ADGRD1: variants seen among roughly 807,000 people sequenced by gnomAD.
ADGRD1 encodes the protein G-protein coupled receptor 133.
A neutral mutation model predicts 113.4 loss-of-function variants in ADGRD1; 77 were observed. The observed-to-expected ratio is 0.68, with a 90% CI of 0.57 to 0.82. The LOEUF is 0.82. Ranked by LOEUF, ADGRD1 falls within the 40% of genes least tolerant of loss-of-function variation. The pLI, the probability that ADGRD1 is intolerant of heterozygous loss-of-function variation, is 0.00. For missense variants in ADGRD1, 1,036 were observed against 1,139.1 expected (o/e 0.91, Z 1.30); for synonymous variants, 474 against 475.0 (o/e 1.00, Z 0.03).
At chr12:130,967,015 C>T (rs1344058966) in intron 3 of ADGRD1, 1 of 455,664 alleles carries the variant, frequency 2.2e-6, no homozygotes, top group Non-Finnish European at 4.4e-6. Flanking sequence ...GCATTTTCCC[C>T]AACAATCTTG....
Position 131,003,290 on chromosome 12 carries a change from T to C in ADGRD1, c.1132T>C (p.Ser378Pro), listed in dbSNP as rs1566019418. Residue 378 changes from serine to proline, a missense_variant, in exon 10 of 25, where the codon TCT (serine) becomes CCT (proline). Transcript: ENST00000261654. This position sits in a 1 kb window ranked among gnomAD's most constrained non-coding sequence, Gnocchi z 4.8. The part of the protein sequence containing the change: ...STPQVTVEGS[S>P]AMAEFSVAKI... ...GCCCCAGGTCACCGTGGAGGGCTCC[T>C]CTGCCATGGCAGGTAGCTGTCGCTT... The C allele has an allele frequency of 1.2e-6, 2 of 1,612,308 alleles. No homozygotes were observed. The highest frequency in any genetic ancestry group is 2.2e-5 in the East Asian group (1 of 44,856).
intron 11 of ADGRD1, among the ~76,000 whole-genome samples, chr12:131,004,822 C>A (rs754494046): frequency 6.6e-6 from 1 of 152,188 alleles, no homozygotes; most frequent in Non-Finnish European, 1.5e-5. Context: ...CTCAGGGGAC[C>A]CCCTGCCTCT....
At chr12:131,043,530 C>T (rs774610893) in intron 13 of ADGRD1, among the ~76,000 whole-genome samples, 10 of 152,250 alleles carry the variant, frequency 6.6e-5, no homozygotes, top group African/African-American at 2.4e-4. Context: ...GCAGGCCTCT[C>T]CCCTGCAGGC....
chr12:131,100,668 A>G (rs1399533565), intron 15 of ADGRD1, among the ~76,000 whole-genome samples: 4 of 152,194 alleles, frequency 2.6e-5, no homozygotes, highest in Non-Finnish European at 4.4e-5. Flanking sequence ...GGCTTAAGGC[A>G]TAAGTGGGTA....
chr12:131,027,864 C>T lies in ADGRD1; in HGVS notation c.1473+13524C>T, dbSNP rs1318629106. On this transcript the variant is annotated intron_variant, in intron 13 of 24. Coordinates refer to ENST00000261654, the MANE Select transcript of ADGRD1 (RefSeq NM_198827.5). The surrounding 1 kb of genome is among the most constrained non-coding windows in gnomAD (Gnocchi z 5.1). ...AGCGAACATACCCAAGAAATCACCC[C>T]TCAGGTCAAGAAGCAGCACACGGCC... The T allele has an allele frequency of 6.6e-6, 1 of 152,216 alleles. No individual in the cohort carries two copies. Among genetic ancestry groups the T allele is most frequent in the African/African-American group, 2.4e-5 (1 of 41,442 alleles). 9.4% of individuals were successfully genotyped at this position (152,216 alleles called of 1,614,324 possible).
At chr12:130,957,270 CACACACATCCATACATTTCT>C (rs1282029931) in intron 2 of ADGRD1, 1 of 152,402 alleles carries the variant, frequency 6.6e-6, no homozygotes, top group Non-Finnish European at 1.5e-5. Flanking sequence ...CACATGCATC[CACACACATCCATACATTTCT>C]ACACACATGC....
At chr12:131,058,977 G>A (rs928902803) in intron 13 of ADGRD1, among the ~76,000 whole-genome samples, 14 of 152,130 alleles carry the variant, frequency 9.2e-5, no homozygotes, top group African/African-American at 3.4e-4. Flanking sequence ...TCTTTATGGG[G>A]CTGCAGTGAC....
At chr12:131,103,751 C>T (rs528975044) in intron 15 of ADGRD1, among the ~76,000 whole-genome samples, 14 of 152,260 alleles carry the variant, frequency 9.2e-5, no homozygotes, top group Admixed American at 2.0e-4. Flanking sequence ...GCAGGCGTCT[C>T]GGAGGACGGG....
chr12:131,103,469 G>A (rs1364873774), intron 15 of ADGRD1, among the ~76,000 whole-genome samples: 4 of 152,266 alleles, frequency 2.6e-5, no homozygotes, highest in East Asian at 3.9e-4. Flanking sequence ...CCCCTCGGGC[G>A]TGAGCCCACT....
intron 15 of ADGRD1, among the ~76,000 whole-genome samples, chr12:131,099,944 G>A (rs1248965986): frequency 6.6e-6 from 1 of 152,156 alleles, no homozygotes; most frequent in Non-Finnish European, 1.5e-5. Context: ...TGATGGTGGG[G>A]TTGGTTCATG....
intron 15 of ADGRD1, among the ~76,000 whole-genome samples, chr12:131,087,613 T>C (rs1343223193): frequency 6.6e-6 from 1 of 152,172 alleles, no homozygotes; most frequent in African/African-American, 2.4e-5. Context: ...CCTTCAGTGG[T>C]AAATATTGTG....
chr12:130,981,533 T>C (rs550031076), intron 4 of ADGRD1, among the ~76,000 whole-genome samples: 41 of 143,648 alleles, frequency 2.9e-4, no homozygotes, highest in African/African-American at 1.0e-3. Context: ...TCCCGGGGAG[T>C]GGGGGCGGGG....
intron 19 of ADGRD1, among the ~76,000 whole-genome samples, chr12:131,119,308 G>A (rs570670897): frequency 2.0e-5 from 3 of 152,360 alleles, no homozygotes; most frequent in South Asian, 4.1e-4. Flanking sequence ...TTCCCTGAAG[G>A]CGAAGCATTT....
At chr12:130,991,166 C>T (rs1874333492) in intron 7 of ADGRD1, 88 bp downstream of exon 7, 2 of 1,021,904 alleles carry the variant, frequency 2.0e-6, no homozygotes, top group Admixed American at 3.6e-5. Flanking sequence ...CATTAGGTGT[C>T]TGGGCTCTCT....
chr12:131,056,103 C>G (rs983377532), intron 13 of ADGRD1, among the ~76,000 whole-genome samples: 1 of 152,154 alleles, frequency 6.6e-6, no homozygotes, highest in African/African-American at 2.4e-5. Flanking sequence ...ATCTTCTACC[C>G]TGAAGGAATA....
At chr12:131,044,963 G>A (rs1270354681) in intron 13 of ADGRD1, among the ~76,000 whole-genome samples, 3 of 152,268 alleles carry the variant, frequency 2.0e-5, no homozygotes, top group Non-Finnish European at 2.9e-5. Context: ...TTCAGGCTTC[G>A]CCCTCTTGTT....
At position 131,096,108 on chromosome 12, in the gene ADGRD1, G is replaced by A. The variant is rs939301032; in HGVS notation, c.1672-8723G>A. 6.6e-6 allele frequency among the ~76,000 whole-genome samples: 1 copy of A among 152,138 alleles called. No homozygotes were observed. Among genetic ancestry groups the A allele is most frequent in the Non-Finnish European group, 1.5e-5 (1 of 68,038 alleles). On this transcript the variant is annotated intron_variant, in intron 15 of 24. Transcript: ENST00000261654. This position sits in a 1 kb window ranked among gnomAD's most constrained non-coding sequence, Gnocchi z 5.2. ...CGCTTGCTTTTCTGTCATTCCAGAC[G>A]CAGTTGCTGAGCCTGGGGCCCCGCT...
chr12:130,992,958 T>G (rs1488757658), intron 8 of ADGRD1, among the ~76,000 whole-genome samples: 1 of 152,144 alleles, frequency 6.6e-6, no homozygotes, highest in Admixed American at 6.5e-5. Flanking sequence ...GGGCTTATCT[T>G]GGTGGATGCG....
At chr12:131,043,419 A>G (rs1483374628) in intron 13 of ADGRD1, among the ~76,000 whole-genome samples, 1 of 152,268 alleles carries the variant, frequency 6.6e-6, no homozygotes, top group South Asian at 2.1e-4. Context: ...TTGGGTGCAT[A>G]CCAGCTCTGG....
Sources: allele counts gnomAD v4.1 joint callset (sites outside exome capture counted in the v4.1 genomes callset), GRCh38; gene constraint gnomAD v4.1.1; non-coding constraint Gnocchi (gnomAD v3.1); transcripts MANE v1.5; gene names NCBI Gene and HGNC (gene_info 2026-07-23, HGNC 2026-07-21).